Variants in SLC22A3 observed in about 807,000 individuals in gnomAD.
SLC22A3 encodes EMT organic cation transporter 3.
A neutral mutation model predicts 59.1 loss-of-function variants in SLC22A3; 51 were observed. That is an observed-to-expected ratio of 0.86 (90% CI 0.69 to 1.09). The LOEUF (loss-of-function observed/expected upper bound fraction) is 1.09, where lower values mean the gene tolerates loss of function less well. SLC22A3 is among the 50% of genes least tolerant of loss of function. SLC22A3 has a pLI of 0.00. For synonymous variants in SLC22A3, 325 were observed against 292.0 expected (o/e 1.11, Z -1.15); for missense variants, 711 against 726.3 (o/e 0.98, Z 0.24).
chr6:160,439,411 CATTTCATGA>C (rs1236266669), intron 7 of SLC22A3, among the ~76,000 whole-genome samples: 1 of 151,928 alleles, frequency 6.6e-6, no homozygotes, highest in Non-Finnish European at 1.5e-5. Flanking sequence ...TGTGTCCCCT[CATTTCATGA>C]TATATATATA....
chr6:160,442,967 A>G (rs146494202), intron 8 of SLC22A3, 98 bp downstream of exon 8: 1,134 of 911,772 alleles, frequency 1.2e-3, no homozygotes, highest in Non-Finnish European at 1.7e-3. Flanking sequence ...TCCTTAGCTC[A>G]GTGATATATT....
chr6:160,392,111 A>G (rs113284831), intron 1 of SLC22A3, among the ~76,000 whole-genome samples: 3,684 of 152,136 alleles, frequency 0.024, 147 homozygotes, highest in Middle Eastern at 0.11. Context: ...CCCTGGACCC[A>G]CACTCCCTTC....
At chr6:160,349,153 CAA>C (rs1583432291) in intron 1 of SLC22A3, 2 of 823,610 alleles carry the variant, frequency 2.4e-6, no homozygotes, top group Non-Finnish European at 2.9e-6. Context: ...GCTCAGGAGT[CAA>C]AGACCCAGCA....
intron 4 of SLC22A3, 94 bp downstream of exon 4, chr6:160,409,015 C>CA: frequency 1.7e-6 from 1 of 602,948 alleles, no homozygotes; most frequent in Non-Finnish European, 2.6e-6. Flanking sequence ...AGAAAATTTT[C>CA]TTTTTTTTTT....
chr6:160,357,236 G>A (rs1220291766), intron 1 of SLC22A3, among the ~76,000 whole-genome samples: 1 of 152,190 alleles, frequency 6.6e-6, no homozygotes, highest in Non-Finnish European at 1.5e-5. Context: ...ACTGCTATAG[G>A]GCACCAGCAG....
At chr6:160,417,361 A>G (rs931636674) in intron 5 of SLC22A3, among the ~76,000 whole-genome samples, 1 of 152,224 alleles carries the variant, frequency 6.6e-6, no homozygotes, top group Non-Finnish European at 1.5e-5. Context: ...CAGCTGACCT[A>G]CAGCTGCTGT....
chr6:160,383,332 C>T (rs1785866294), intron 1 of SLC22A3, among the ~76,000 whole-genome samples: 1 of 152,144 alleles, frequency 6.6e-6, no homozygotes, highest in Admixed American at 6.5e-5. Flanking sequence ...CAACTCACCC[C>T]AATTTCCACT....
chr6:160,401,325 C>CTA (rs1342859909), intron 2 of SLC22A3, among the ~76,000 whole-genome samples: 1 of 151,694 alleles, frequency 6.6e-6, no homozygotes, highest in Non-Finnish European at 1.5e-5. Flanking sequence ...TAATGTCTTA[C>CTA]TATAGTAAAA....
rs1787459054 is a variant in SLC22A3, at chr6:160,415,724, A to G, written c.975+4878A>G. Among the ~76,000 whole-genome samples the G allele has an allele frequency of 6.6e-6, 1 of 152,278 alleles. No homozygotes were observed. Among genetic ancestry groups the G allele is most frequent in the Admixed American group, 6.5e-5 (1 of 15,290 alleles). ...TGCGGAGAAGGTTAGAATGGATTTG[A>G]AAGAATGTGGTTGGATTCAAAGAAG... On this transcript the variant is annotated intron_variant, in intron 5 of 10. Transcript: ENST00000275300. This position sits in a 1 kb window ranked among gnomAD's most constrained non-coding sequence, Gnocchi z 4.1.
chr6:160,401,855 A>AT (rs1300830432), intron 2 of SLC22A3, among the ~76,000 whole-genome samples: 31 of 151,820 alleles, frequency 2.0e-4, no homozygotes, highest in Non-Finnish European at 4.0e-4. Context: ...CTAAAAAAAG[A>AT]TTTTTTTTAA....
chr6:160,361,677 G>A (rs565544270), intron 1 of SLC22A3, among the ~76,000 whole-genome samples: 20 of 152,274 alleles, frequency 1.3e-4, no homozygotes, highest in Non-Finnish European at 1.2e-4. Flanking sequence ...TAGATAATTT[G>A]TCCAGAATCT....
At chr6:160,436,633 A>C (rs1788341931) in intron 5 of SLC22A3, 147 bp from the exon 6 acceptor site, 1 of 641,202 alleles carries the variant, frequency 1.6e-6, no homozygotes, top group Non-Finnish European at 2.7e-6. Flanking sequence ...CAAGAGCAGA[A>C]GTGTTTTAAT....
At position 160,348,447 on chromosome 6, in the gene SLC22A3, C is replaced by T. The variant is rs764643787; in HGVS notation, c.28C>T (p.Arg10Trp). 8.5e-6 allele frequency: 13 copies of T among 1,522,982 alleles called. No homozygotes were observed. Among genetic ancestry groups the T allele is most frequent in the Middle Eastern group, 2.2e-4 (1 of 4,466 alleles). 94.3% of individuals were successfully genotyped at this position (1,522,982 alleles called of 1,614,324 possible). Reference protein sequence around the residue: MPSFDEALQRVGEFGRFQRR... With the variant: MPSFDEALQWVGEFGRFQRR... ...GCCCTCCTTCGACGAGGCGCTGCAGCGGGTGGGCGAGTTCGGGCGCTTCCA... is the reference window on the plus strand; with the variant it reads ...GCCCTCCTTCGACGAGGCGCTGCAGTGGGTGGGCGAGTTCGGGCGCTTCCA... The change falls in exon 1 of 11, where the codon CGG (arginine) becomes TGG (tryptophan). Residue 10 changes from arginine to tryptophan, a missense_variant. Coordinates refer to ENST00000275300, the MANE Select transcript of SLC22A3 (RefSeq NM_021977.4).
intron 1 of SLC22A3, among the ~76,000 whole-genome samples, chr6:160,394,028 G>C (rs1786370469): frequency 1.3e-5 from 2 of 152,234 alleles, no homozygotes; most frequent in African/African-American, 4.8e-5. Flanking sequence ...CATGCCAAAA[G>C]GCGTCATTTT....
intron 2 of SLC22A3, among the ~76,000 whole-genome samples, chr6:160,404,975 T>C (rs1786950328): frequency 6.7e-6 from 1 of 149,286 alleles, no homozygotes; most frequent in African/African-American, 2.5e-5. Context: ...GAGGATGGGA[T>C]AGGAAAAAAA....
intron 1 of SLC22A3, among the ~76,000 whole-genome samples, chr6:160,374,751 T>C (rs1008364764): frequency 5.3e-5 from 8 of 152,206 alleles, no homozygotes; most frequent in East Asian, 1.9e-4. Context: ...AGAGCAGACC[T>C]GGATCAAGAA....
intron 7 of SLC22A3, among the ~76,000 whole-genome samples, chr6:160,438,113 G>C (rs943584155): frequency 6.6e-6 from 1 of 152,132 alleles, no homozygotes; most frequent in Non-Finnish European, 1.5e-5. Flanking sequence ...AGATGAGAGA[G>C]GGTCATTTCA....
chr6:160,392,008 A>G (rs1396860628), intron 1 of SLC22A3, among the ~76,000 whole-genome samples: 1 of 152,202 alleles, frequency 6.6e-6, no homozygotes, highest in Non-Finnish European at 1.5e-5. Flanking sequence ...GTGAGGATCT[A>G]AGAGCCTATA....
intron 1 of SLC22A3, among the ~76,000 whole-genome samples, chr6:160,352,956 G>A (rs1452442813): frequency 2.0e-5 from 3 of 152,318 alleles, no homozygotes; most frequent in East Asian, 1.9e-4. Context: ...GAGTAGCTGG[G>A]ATTACAGGCA....
Sources: gnomAD v4.1 joint callset for allele counts (sites outside exome capture counted in the v4.1 genomes callset) on GRCh38, gnomAD v4.1.1 for gene constraint, Gnocchi (gnomAD v3.1) non-coding constraint, MANE v1.5 for transcripts, NCBI Gene and HGNC (gene_info 2026-07-23, HGNC 2026-07-21) for gene names.